Variants in STARD13 observed in about 807,000 individuals in gnomAD.
STARD13 encodes the protein StAR related lipid transfer domain containing 13, also known as stAR-related lipid transfer protein 13.
A neutral mutation model predicts 106.4 loss-of-function variants in STARD13; 62 were observed. The observed-to-expected ratio is 0.58, with a 90% CI of 0.48 to 0.72. The LOEUF is 0.72. STARD13 is among the 30% of genes least tolerant of loss of function. STARD13 has a pLI of 0.00. For synonymous variants in STARD13, 565 were observed against 553.0 expected, an observed-to-expected ratio of 1.02 and a Z score of -0.31; for missense variants, 1,387 against 1,424.0, an observed-to-expected ratio of 0.97 and a Z score of 0.42.
intron 1 of STARD13, among the ~76,000 whole-genome samples, chr13:33,192,661 G>A: frequency 6.6e-6 from 1 of 152,166 alleles, no homozygotes; most frequent in Non-Finnish European, 1.5e-5. Flanking sequence ...CAATTTGGGA[G>A]GCCAAGGTGG....
chr13:33,496,447 C>T, the STARD13 span, among the ~76,000 whole-genome samples: 50 of 151,744 alleles, frequency 3.3e-4, no homozygotes, highest in Non-Finnish European at 6.2e-4. Flanking sequence ...CCATAATATC[C>T]TCATGGTAAA....
At chr13:33,299,858 C>G (rs778724574) in intron 1 of STARD13, among the ~76,000 whole-genome samples, 30 of 152,296 alleles carry the variant, frequency 2.0e-4, no homozygotes, top group Non-Finnish European at 3.5e-4. Flanking sequence ...TAAGATTTAA[C>G]CAATGAACAC....
Position 33,278,837 on chromosome 13 carries a change from T to C in STARD13, c.169+6633A>G, listed in dbSNP as rs576736382. ...ATCTTCCTAGTTTTACCTCATTAAT[T>C]GGCCAACATTTCTCTTTTCATCAGA... On this transcript the variant is annotated intron_variant, in intron 1 of 13. Coordinates refer to ENST00000336934, the MANE Select transcript of STARD13 (RefSeq NM_178006.4). 1.5e-4 allele frequency among the ~76,000 whole-genome samples: 23 copies of C among 152,322 alleles called. No individual in the cohort carries two copies. The South Asian group carries it at 4.8e-3, about 32-fold the overall frequency.
At chr13:33,581,279 A>G in the STARD13 span, among the ~76,000 whole-genome samples, 2 of 152,190 alleles carry the variant, frequency 1.3e-5, no homozygotes, top group African/African-American at 4.8e-5. Flanking sequence ...CCCACCATAC[A>G]TACATTCCCA....
At chr13:33,588,866 G>C in the STARD13 span, among the ~76,000 whole-genome samples, 5,939 of 152,096 alleles carry the variant, frequency 0.039, 258 homozygotes, top group East Asian at 0.25. Flanking sequence ...TAACTCACAG[G>C]CTCATTCTTT....
At chr13:33,528,015 A>C in the STARD13 span, among the ~76,000 whole-genome samples, 1 of 151,036 alleles carries the variant, frequency 6.6e-6, no homozygotes, top group Admixed American at 6.6e-5. Flanking sequence ...GTCAGAGCCT[A>C]GCATAGACTG....
At chr13:33,153,067 G>A (rs80036795) in intron 3 of STARD13, among the ~76,000 whole-genome samples, 1 of 152,148 alleles carries the variant, frequency 6.6e-6, no homozygotes, top group African/African-American at 2.4e-5. Flanking sequence ...TTATTTTGAG[G>A]AGAAAGTGAA....
At chr13:33,620,877 C>G in the STARD13 span, among the ~76,000 whole-genome samples, 2 of 150,910 alleles carry the variant, frequency 1.3e-5, no homozygotes, top group African/African-American at 2.4e-5. Flanking sequence ...TTATATAAAC[C>G]TATGGATCAA....
At chr13:33,181,479 T>C (rs1325140951) in intron 1 of STARD13, among the ~76,000 whole-genome samples, 1 of 152,196 alleles carries the variant, frequency 6.6e-6, no homozygotes, top group Non-Finnish European at 1.5e-5. Flanking sequence ...GGCTATCATT[T>C]AGTATGTTGA....
intron 1 of STARD13, among the ~76,000 whole-genome samples, chr13:33,198,540 C>A (rs1302788252): frequency 1.3e-5 from 2 of 152,128 alleles, no homozygotes; most frequent in African/African-American, 4.8e-5. Flanking sequence ...CAGAAATTAA[C>A]CCTTCTCCCT....
the STARD13 span, among the ~76,000 whole-genome samples, chr13:33,596,750 C>G: frequency 0.25 from 37,727 of 152,096 alleles, 5,788 homozygotes; most frequent in Admixed American, 0.34. Context: ...ATGAGATCAA[C>G]TTTTTAAGCT....
chr13:33,556,979 A>G, the STARD13 span, among the ~76,000 whole-genome samples: 5 of 152,192 alleles, frequency 3.3e-5, no homozygotes, highest in Non-Finnish European at 2.9e-5. Context: ...TACCTGAAGC[A>G]GCCATTTGGT....
chr13:33,184,848 G>C (rs1398153707), intron 1 of STARD13, among the ~76,000 whole-genome samples: 2 of 152,214 alleles, frequency 1.3e-5, no homozygotes, highest in East Asian at 3.8e-4. Flanking sequence ...AATTTCCACT[G>C]ATGTACCCAA....
At chr13:33,662,799 C>T in the STARD13 span, among the ~76,000 whole-genome samples, 1 of 152,130 alleles carries the variant, frequency 6.6e-6, no homozygotes, top group Non-Finnish European at 1.5e-5. Context: ...AGCTACAACC[C>T]TATTGGTCAA....
At chr13:33,330,045 G>A (rs974304456) in intron 1 of STARD13, among the ~76,000 whole-genome samples, 2 of 152,124 alleles carry the variant, frequency 1.3e-5, no homozygotes, top group African/African-American at 2.4e-5. Flanking sequence ...GGACATTTAG[G>A]TTGTTTCCAT....
chr13:33,285,762 A>G (rs1892030610), upstream of STARD13: 6 of 1,484,012 alleles, frequency 4.0e-6, no homozygotes, highest in East Asian at 1.2e-4. Flanking sequence ...TTTTAAAAAG[A>G]AAGAGGAGTG....
At chr13:33,407,055 C>A in the STARD13 span, among the ~76,000 whole-genome samples, 1 of 152,290 alleles carries the variant, frequency 6.6e-6, no homozygotes, top group East Asian at 1.9e-4. Flanking sequence ...TGTACTAGTT[C>A]ATTCTTTGAG....
At chr13:33,528,226 G>GTGTATATATATATATACA in the STARD13 span, among the ~76,000 whole-genome samples, 78 of 100,990 alleles carry the variant, frequency 7.7e-4, 1 homozygote, top group African/African-American at 4.5e-3. Context: ...GTGTGTGTGT[G>GTGTATATATATATATACA]TATATATATA....
At chr13:33,499,969 G>C in the STARD13 span, among the ~76,000 whole-genome samples, 1 of 151,604 alleles carries the variant, frequency 6.6e-6, no homozygotes, top group Non-Finnish European at 1.5e-5. Context: ...GCCTAGGCTG[G>C]TCTTGAACTC....
Sources: allele counts gnomAD v4.1 joint callset (sites outside exome capture counted in the v4.1 genomes callset), GRCh38; gene constraint gnomAD v4.1.1; transcripts MANE v1.5; gene names NCBI Gene and HGNC (gene_info 2026-07-23, HGNC 2026-07-21).